CDH13: variants seen among roughly 807,000 people sequenced by gnomAD.
CDH13 encodes cadherin-13.
Under a neutral mutation model 63.8 loss-of-function variants are expected in CDH13, and 24 were observed. The ratio of observed to expected loss-of-function variants is 0.38; its 90% confidence interval spans 0.27 to 0.53. CDH13 has a LOEUF of 0.53. CDH13 is among the 20% of genes least tolerant of loss of function. The probability of loss-of-function intolerance (pLI) is 0.85; values close to 1 mark genes in which losing one functional copy is unlikely to be tolerated. For synonymous variants in CDH13, 503 were observed against 355.3 expected, an observed-to-expected ratio of 1.42 and a Z score of -4.67; for missense variants, 1,049 against 903.1, an observed-to-expected ratio of 1.16 and a Z score of -2.07.
intron 2 of CDH13, among the ~76,000 whole-genome samples, chr16:82,871,499 T>G (rs1348132075): frequency 2.6e-5 from 4 of 152,168 alleles, no homozygotes; most frequent in Non-Finnish European, 4.4e-5. Flanking sequence ...AACAGGCATC[T>G]AAAAGAGGTT....
chr16:82,700,006 G>A (rs184463473), intron 1 of CDH13, among the ~76,000 whole-genome samples: 1 of 152,352 alleles, frequency 6.6e-6, no homozygotes, highest in East Asian at 1.9e-4. Context: ...ACTTGGCTAA[G>A]ATTGGCTTAC....
At chr16:83,592,406 C>G (rs998933039) in intron 7 of CDH13, among the ~76,000 whole-genome samples, 16 of 152,162 alleles carry the variant, frequency 1.1e-4, no homozygotes, top group African/African-American at 3.9e-4. Flanking sequence ...CACATCCTAG[C>G]AGTTATTTGA....
intron 7 of CDH13, among the ~76,000 whole-genome samples, chr16:83,514,510 TG>T (rs202165059): frequency 0.01 from 1,595 of 152,212 alleles, 15 homozygotes; most frequent in Middle Eastern, 0.051. Flanking sequence ...CCGGGCATGG[TG>T]GTGCTCACCT....
chr16:82,663,502 A>ACC (rs1555530667), intron 1 of CDH13, among the ~76,000 whole-genome samples: 1 of 152,122 alleles, frequency 6.6e-6, no homozygotes, highest in South Asian at 2.1e-4. Flanking sequence ...CTCATTTTAC[A>ACC]CAGTCCCCTG....
chr16:83,747,139 T>C (rs558490880), intron 10 of CDH13, among the ~76,000 whole-genome samples: 19 of 152,232 alleles, frequency 1.2e-4, no homozygotes, highest in Non-Finnish European at 2.6e-4. Flanking sequence ...AAGCAGCTGG[T>C]GTCACAGCAG....
chr16:82,957,502 C>G (rs1906293981), intron 2 of CDH13, among the ~76,000 whole-genome samples: 1 of 152,134 alleles, frequency 6.6e-6, no homozygotes, highest in South Asian at 2.1e-4. Flanking sequence ...GCCCTCTTTA[C>G]AAATGATAAA....
chr16:83,227,828 C>G (rs2039887383), intron 5 of CDH13, among the ~76,000 whole-genome samples: 1 of 152,130 alleles, frequency 6.6e-6, no homozygotes, highest in African/African-American at 2.4e-5. Flanking sequence ...ACCTGGGGGC[C>G]GATTCATTCA....
At chr16:83,415,703 G>A (rs1050964716) in intron 6 of CDH13, among the ~76,000 whole-genome samples, 1 of 151,996 alleles carries the variant, frequency 6.6e-6, no homozygotes. Context: ...AAAATTCAGT[G>A]CCCTTTCATG....
intron 3 of CDH13, among the ~76,000 whole-genome samples, chr16:83,117,165 C>T (rs1211776834): frequency 2.0e-5 from 3 of 152,332 alleles, no homozygotes; most frequent in Admixed American, 2.0e-4. Flanking sequence ...GCTCAAAACC[C>T]TTCCAGGGCT....
intron 1 of CDH13, among the ~76,000 whole-genome samples, chr16:82,779,132 A>G (rs930210835): frequency 1.4e-4 from 21 of 152,200 alleles, no homozygotes; most frequent in African/African-American, 5.1e-4. Context: ...TTTAAATGTA[A>G]TAAATACGTA....
At chr16:83,149,394 A>T (rs181130028) in intron 4 of CDH13, among the ~76,000 whole-genome samples, 257 of 152,332 alleles carry the variant, frequency 1.7e-3, no homozygotes, top group African/African-American at 5.8e-3. Context: ...AAACTCAAGT[A>T]TTTAATATTA....
rs142639303 is a variant in CDH13 at position 83,574,296 on chromosome 16, C to T, written c.961-28158C>T. Among the ~76,000 whole-genome samples, 8 of 152,324 alleles carry T rather than the reference C, an allele frequency of 5.3e-5. No individual in the cohort carries two copies. The East Asian group carries it at 1.5e-3, about 29-fold the overall frequency. On this transcript the variant is annotated intron_variant, in intron 7 of 13. Transcript: ENST00000567109. Reference sequence around the variant, plus strand: ...GCTCTCCATTCTTAGAAACTGTGCTCATGCACTTGAGCTTGCCTCCAAAGT... The same window carrying T: ...GCTCTCCATTCTTAGAAACTGTGCTTATGCACTTGAGCTTGCCTCCAAAGT...
intron 2 of CDH13, among the ~76,000 whole-genome samples, chr16:82,975,351 C>T (rs1453403005): frequency 6.6e-6 from 1 of 152,156 alleles, no homozygotes; most frequent in East Asian, 1.9e-4. Flanking sequence ...GAAGAGAGGG[C>T]CCCAGACAGT....
At chr16:83,389,473 C>T (rs1223748416) in intron 6 of CDH13, among the ~76,000 whole-genome samples, 2 of 152,194 alleles carry the variant, frequency 1.3e-5, no homozygotes, top group Admixed American at 6.5e-5. Flanking sequence ...AACTAGGAGC[C>T]AATCCAGATG....
intron 3 of CDH13, among the ~76,000 whole-genome samples, chr16:83,048,501 C>T (rs1456228991): frequency 6.6e-6 from 1 of 152,170 alleles, no homozygotes; most frequent in Admixed American, 6.5e-5. Flanking sequence ...ACCTTGAGCA[C>T]CACTCTAAGG....
chr16:83,403,602 G>T (rs1049476163), intron 6 of CDH13, among the ~76,000 whole-genome samples: 1 of 152,024 alleles, frequency 6.6e-6, no homozygotes, highest in East Asian at 1.9e-4. Flanking sequence ...CACTCTGGGC[G>T]ACAGAGCGAG....
Position 83,759,407 on chromosome 16 carries a change from C to A in CDH13, c.1681+11157C>A, listed in dbSNP as rs151098882. 4.0e-3 allele frequency among the ~76,000 whole-genome samples: 603 copies of A among 151,782 alleles called. 2 individuals are homozygous for A. The highest frequency in any genetic ancestry group is 8.7e-3 in the South Asian group (42 of 4,814). On this transcript the variant is annotated intron_variant, in intron 11 of 13. Coordinates refer to ENST00000567109, the MANE Select transcript of CDH13 (RefSeq NM_001257.5). ...ACAATAATTAATTCTAGATATATTA[C>A]AGATCAAAATATAGAAGGAAAAAAT...
rs1350888275 is a variant in CDH13 at position 82,761,600 on chromosome 16, T to C, written c.46-96762T>C. ...GAACAAGGCCAAGGGAAGGCAACAA[T>C]TAACTGGCAGTTTGTAGGCTTGTGA... On this transcript the variant is annotated intron_variant, in intron 1 of 13. Coordinates refer to ENST00000567109, the MANE Select transcript of CDH13 (RefSeq NM_001257.5). Among the ~76,000 whole-genome samples the C allele has an allele frequency of 3.9e-5, 6 of 152,226 alleles. No individual in the cohort carries two copies. The East Asian group carries it at 1.2e-3, about 29-fold the overall frequency.
intron 8 of CDH13, among the ~76,000 whole-genome samples, chr16:83,625,105 C>A (rs1486466241): frequency 2.6e-5 from 4 of 152,078 alleles, no homozygotes. Context: ...AAACATTTAC[C>A]AGCACAATAC....
Sources: gnomAD v4.1 joint callset for allele counts (sites outside exome capture counted in the v4.1 genomes callset) on GRCh38, gnomAD v4.1.1 for gene constraint, MANE v1.5 for transcripts, NCBI Gene and HGNC (gene_info 2026-07-23, HGNC 2026-07-21) for gene names.